The following ZDHHC14 variants were observed in gnomAD, a reference collection of about 807,000 sequenced individuals.
ZDHHC14 encodes the protein zDHHC palmitoyltransferase 14.
A neutral mutation model predicts 47.7 loss-of-function variants in ZDHHC14; 16 were observed. That is an observed-to-expected ratio of 0.34 (90% confidence interval 0.23 to 0.51). The LOEUF is 0.51. Ranked by LOEUF, ZDHHC14 falls within the 20% of genes least tolerant of loss-of-function variation. The pLI is 0.97. For missense variants in ZDHHC14, 515 were observed against 662.5 expected, an observed-to-expected ratio of 0.78 and a Z score of 2.44; for synonymous variants, 293 against 278.9, an observed-to-expected ratio of 1.05 and a Z score of -0.50.
intron 1 of ZDHHC14, among the ~76,000 whole-genome samples, chr6:157,416,215 C>A (rs1040034866): frequency 2.0e-5 from 3 of 152,134 alleles, no homozygotes; most frequent in African/African-American, 7.2e-5. Context: ...GTGTAGTCCC[C>A]TAATTCATAT....
At chr6:157,507,113 T>G (rs1227871741) in intron 1 of ZDHHC14, among the ~76,000 whole-genome samples, 6 of 152,154 alleles carry the variant, frequency 3.9e-5, no homozygotes, top group Admixed American at 6.5e-5. Flanking sequence ...TTTTATTTTC[T>G]TATGCTTTCC....
chr6:157,659,930 C>T (rs772566079), intron 8 of ZDHHC14, among the ~76,000 whole-genome samples: 22 of 152,182 alleles, frequency 1.4e-4, no homozygotes, highest in Non-Finnish European at 2.6e-4. Context: ...ATTCTAAGAA[C>T]GGCACCAAGT....
intron 8 of ZDHHC14, among the ~76,000 whole-genome samples, chr6:157,658,853 C>G (rs1778220907): frequency 6.6e-6 from 1 of 152,158 alleles, no homozygotes; most frequent in Non-Finnish European, 1.5e-5. Context: ...GTGCTTCTTA[C>G]TCTTCTGTCT....
At chr6:157,535,807 A>G (rs1781528456) in intron 1 of ZDHHC14, among the ~76,000 whole-genome samples, 1 of 152,120 alleles carries the variant, frequency 6.6e-6, no homozygotes, top group Non-Finnish European at 1.5e-5. Flanking sequence ...TGATTTCTGA[A>G]TCTACTTTTT....
intron 8 of ZDHHC14, among the ~76,000 whole-genome samples, chr6:157,663,200 CT>C (rs1239044956): frequency 1.3e-5 from 2 of 152,248 alleles, no homozygotes; most frequent in African/African-American, 2.4e-5. Context: ...TTCTACCCCC[CT>C]GGGAGTGCCC....
intron 2 of ZDHHC14, among the ~76,000 whole-genome samples, chr6:157,558,564 A>T (rs561893517): frequency 1.3e-4 from 20 of 152,320 alleles, no homozygotes; most frequent in African/African-American, 4.6e-4. Flanking sequence ...TAAGAAAAGC[A>T]ATGGCCCATC....
chr6:157,469,325 A>C (rs969547816), intron 1 of ZDHHC14, among the ~76,000 whole-genome samples: 83 of 152,218 alleles, frequency 5.5e-4, no homozygotes, highest in African/African-American at 1.9e-3. Context: ...TACCCTCCAT[A>C]GTCCTTCACC....
At chr6:157,416,986 T>G (rs1435783458) in intron 1 of ZDHHC14, among the ~76,000 whole-genome samples, 19 of 134,204 alleles carry the variant, frequency 1.4e-4, no homozygotes, top group African/African-American at 4.8e-4. Flanking sequence ...TTTTTTTTTT[T>G]TTTTTTTTTT....
At chr6:157,475,136 G>A (rs1779450256) in intron 1 of ZDHHC14, among the ~76,000 whole-genome samples, 1 of 152,106 alleles carries the variant, frequency 6.6e-6, no homozygotes, top group Non-Finnish European at 1.5e-5. Flanking sequence ...TTATTGAAGA[G>A]ATTATCCTTT....
intron 5 of ZDHHC14, among the ~76,000 whole-genome samples, chr6:157,633,770 G>A (rs1036875385): frequency 1.3e-5 from 2 of 152,044 alleles, no homozygotes; most frequent in African/African-American, 2.4e-5. Flanking sequence ...CTACAACCTC[G>A]GCCTCCCAAG....
At chr6:157,460,799 G>C (rs1398315378) in intron 1 of ZDHHC14, among the ~76,000 whole-genome samples, 1 of 152,182 alleles carries the variant, frequency 6.6e-6, no homozygotes, top group Non-Finnish European at 1.5e-5. Flanking sequence ...CTGGGGATGG[G>C]TTAGAGACAG....
At position 157,582,451 on chromosome 6, in the gene ZDHHC14, T is replaced by G. The variant is rs959501047; in HGVS notation, c.407-10537T>G. ...TCTGGTGGCAAGGAATTCCTCAACATTTGCTTTGAAAAAGATCTTACTTAT... is the reference window on the plus strand; with the variant it reads ...TCTGGTGGCAAGGAATTCCTCAACAGTTGCTTTGAAAAAGATCTTACTTAT... On this transcript the variant is annotated intron_variant, in intron 2 of 8. Coordinates refer to ENST00000359775, the MANE Select transcript of ZDHHC14 (RefSeq NM_024630.3). This position sits in a 1 kb window ranked among gnomAD's most constrained non-coding sequence, Gnocchi z 4.3. Among the ~76,000 whole-genome samples, 7 of 152,340 alleles carry G rather than the reference T, an allele frequency of 4.6e-5. No individual in the cohort carries two copies. In the Middle Eastern group the frequency reaches 0.017, roughly 370 times the overall value.
chr6:157,491,051 A>C (rs1393327816), intron 1 of ZDHHC14, among the ~76,000 whole-genome samples: 1 of 152,194 alleles, frequency 6.6e-6, no homozygotes, highest in African/African-American at 2.4e-5. Flanking sequence ...GATGCCTGTC[A>C]CTGGCTGGCA....
At chr6:157,417,399 A>G (rs1455481684) in intron 1 of ZDHHC14, among the ~76,000 whole-genome samples, 1 of 51,662 alleles carries the variant, frequency 1.9e-5, no homozygotes, top group African/African-American at 5.8e-5. Context: ...CTAATCACGT[A>G]TCGTGGACAT....
At chr6:157,636,321 A>G (rs1347979405) in intron 5 of ZDHHC14, among the ~76,000 whole-genome samples, 3 of 112,270 alleles carry the variant, frequency 2.7e-5, no homozygotes, top group Non-Finnish European at 5.6e-5. Context: ...TATAAGGACT[A>G]TATAAGGATA....
chr6:157,397,983 G>A (rs1470608932), intron 1 of ZDHHC14, among the ~76,000 whole-genome samples: 2 of 152,076 alleles, frequency 1.3e-5, no homozygotes, highest in South Asian at 4.1e-4. Context: ...AGCCTGGAAG[G>A]CAGCATGGGG....
chr6:157,616,826 T>C (rs981461469), intron 3 of ZDHHC14, among the ~76,000 whole-genome samples: 2 of 152,200 alleles, frequency 1.3e-5, no homozygotes, highest in African/African-American at 4.8e-5. Context: ...AGAGTCACTT[T>C]GCTTCTGTTC....
chr6:157,434,726 C>T (rs1778405886), intron 1 of ZDHHC14, among the ~76,000 whole-genome samples: 1 of 152,174 alleles, frequency 6.6e-6, no homozygotes. Context: ...ACCCAGAGAG[C>T]TTGGCACGAC....
intron 1 of ZDHHC14, among the ~76,000 whole-genome samples, chr6:157,445,164 TATCATCATCATC>T (rs113595524): frequency 7.0e-6 from 1 of 142,650 alleles, no homozygotes; most frequent in East Asian, 2.0e-4. Flanking sequence ...TCTATCTATC[TATCATCATCATC>T]ATCATCATCA....
Sources: allele counts gnomAD v4.1 joint callset (sites outside exome capture counted in the v4.1 genomes callset), GRCh38; gene constraint gnomAD v4.1.1; non-coding constraint Gnocchi (gnomAD v3.1); transcripts MANE v1.5; gene names NCBI Gene and HGNC (gene_info 2026-07-23, HGNC 2026-07-21).